Variants in ERC2 observed in about 807,000 individuals in gnomAD.
ERC2 encodes the protein ERC protein 2.
A neutral mutation model predicts 114.8 loss-of-function variants in ERC2; 42 were observed. The ratio of observed to expected loss-of-function variants is 0.37; its 90% CI spans 0.29 to 0.47. The LOEUF (loss-of-function observed/expected upper bound fraction) is 0.47. Ranked by LOEUF, ERC2 falls within the 20% of genes least tolerant of loss-of-function variation. The pLI is 0.99. For synonymous variants in ERC2, 454 were observed against 425.5 expected, an observed-to-expected ratio of 1.07 and a Z score of -0.82; for missense variants, 939 against 1,150.7, an observed-to-expected ratio of 0.82 and a Z score of 2.66.
intron 2 of ERC2, among the ~76,000 whole-genome samples, chr3:56,359,357 G>T (rs1189543448): frequency 6.6e-6 from 1 of 152,190 alleles, no homozygotes; most frequent in East Asian, 1.9e-4. Flanking sequence ...AAATGAAAAA[G>T]AAAGGCCTAG....
At chr3:55,532,752 C>T (rs565502618) in intron 17 of ERC2, among the ~76,000 whole-genome samples, 2 of 152,304 alleles carry the variant, frequency 1.3e-5, no homozygotes, top group East Asian at 3.9e-4. Context: ...ATCTCATGGA[C>T]ATAAAGGTAC....
intron 14 of ERC2, among the ~76,000 whole-genome samples, chr3:55,737,164 T>G (rs2065687411): frequency 6.6e-6 from 1 of 152,200 alleles, no homozygotes; most frequent in Admixed American, 6.5e-5. Context: ...TCTCAGATTA[T>G]TCCCCTTTTC....
chr3:55,839,793 C>T (rs1456272802), intron 14 of ERC2, among the ~76,000 whole-genome samples: 2 of 151,708 alleles, frequency 1.3e-5, no homozygotes, highest in East Asian at 3.9e-4. Flanking sequence ...AAAGATGGGG[C>T]AAATAAAAAC....
chr3:55,603,975 C>A (rs376829902), intron 17 of ERC2, among the ~76,000 whole-genome samples: 16 of 151,932 alleles, frequency 1.1e-4, no homozygotes, highest in African/African-American at 3.4e-4. Context: ...ATGATTTCAC[C>A]CCCCCCAGCA....
At chr3:55,905,698 G>A (rs927848163) in intron 13 of ERC2, among the ~76,000 whole-genome samples, 1 of 152,060 alleles carries the variant, frequency 6.6e-6, no homozygotes, top group African/African-American at 2.4e-5. Flanking sequence ...AGCTGACAAG[G>A]GCCCTGTATT....
intron 13 of ERC2, among the ~76,000 whole-genome samples, chr3:55,941,305 A>C (rs1466405216): frequency 1.3e-5 from 2 of 152,152 alleles, no homozygotes; most frequent in African/African-American, 4.8e-5. Flanking sequence ...CACTGCCCTG[A>C]TGCCCCTTCA....
At chr3:56,212,887 A>G (rs1052703497) in intron 3 of ERC2, among the ~76,000 whole-genome samples, 1 of 152,224 alleles carries the variant, frequency 6.6e-6, no homozygotes, top group Admixed American at 6.5e-5. Context: ...AGCAACCTGG[A>G]TGGAACTGGA....
intron 4 of ERC2, among the ~76,000 whole-genome samples, chr3:56,158,304 T>C (rs895687400): frequency 6.6e-6 from 1 of 152,194 alleles, no homozygotes; most frequent in African/African-American, 2.4e-5. Context: ...ATAGACCTCC[T>C]GAGACTTGCT....
chr3:56,110,010 G>A (rs2078875244), intron 6 of ERC2, among the ~76,000 whole-genome samples: 1 of 152,126 alleles, frequency 6.6e-6, no homozygotes, highest in African/African-American at 2.4e-5. Context: ...CTAAGGAAGA[G>A]TTAATATTTC....
At chr3:56,130,349 C>G (rs2080129363) in intron 6 of ERC2, among the ~76,000 whole-genome samples, 1 of 152,138 alleles carries the variant, frequency 6.6e-6, no homozygotes, top group South Asian at 2.1e-4. Flanking sequence ...TCATGTACAC[C>G]CATCACATTG....
intron 2 of ERC2, among the ~76,000 whole-genome samples, chr3:56,297,609 T>C (rs2055539804): frequency 6.6e-6 from 1 of 152,226 alleles, no homozygotes; most frequent in Non-Finnish European, 1.5e-5. Context: ...TTTCTATCCC[T>C]ATGGACAAGC....
At chr3:56,185,851 T>A (rs6779122) in intron 3 of ERC2, among the ~76,000 whole-genome samples, 117,387 of 151,966 alleles carry the variant, frequency 0.77, 47,203 homozygotes, top group South Asian at 0.89. Flanking sequence ...AGCTGAGAAC[T>A]TTCTCTGGCT....
At chr3:56,082,057 A>G (rs2077261479) in intron 6 of ERC2, among the ~76,000 whole-genome samples, 1 of 151,670 alleles carries the variant, frequency 6.6e-6, no homozygotes, top group African/African-American at 2.4e-5. Context: ...CTCCCAAAGC[A>G]TTTACTTTTT....
chr3:56,190,766 G>A (rs2083942185), intron 3 of ERC2, among the ~76,000 whole-genome samples: 1 of 152,016 alleles, frequency 6.6e-6, no homozygotes, highest in East Asian at 1.9e-4. Flanking sequence ...TAGAGATGGG[G>A]TCTCATCTTG....
At position 56,033,098 on chromosome 3, in the gene ERC2, A is replaced by G. The variant is rs534941610; in HGVS notation, c.1642-14067T>C. ...AAAGAAAGAAAGAAAAGTAAAGTAA[A>G]GTAAAAACAAAGGCTGGGCAGAGTG... On this transcript the variant is annotated intron_variant, in intron 7 of 17. Coordinates refer to ENST00000288221, the MANE Select transcript of ERC2 (RefSeq NM_015576.3). Among the ~76,000 whole-genome samples, 4 of 151,594 alleles carry G rather than the reference A, an allele frequency of 2.6e-5. No individual in the cohort carries two copies. In the East Asian group the frequency reaches 7.8e-4, roughly 29 times the overall value.
chr3:56,202,907 G>C (rs948314428), intron 3 of ERC2, among the ~76,000 whole-genome samples: 8 of 152,198 alleles, frequency 5.3e-5, no homozygotes, highest in Non-Finnish European at 2.9e-5. Flanking sequence ...GCAGGTAACT[G>C]TGAGGTGATG....
intron 7 of ERC2, among the ~76,000 whole-genome samples, chr3:56,070,470 A>T (rs923473097): frequency 1.2e-3 from 56 of 48,348 alleles, no homozygotes; most frequent in African/African-American, 5.2e-3. Context: ...ACCTTTTTTA[A>T]AAAAAAAAAA....
chr3:56,241,810 A>G (rs2051340476), intron 3 of ERC2, among the ~76,000 whole-genome samples: 1 of 152,178 alleles, frequency 6.6e-6, no homozygotes, highest in Non-Finnish European at 1.5e-5. Context: ...ATACACACTC[A>G]CCTACATGCT....
intron 3 of ERC2, among the ~76,000 whole-genome samples, chr3:56,251,413 C>T (rs756022464): frequency 1.3e-5 from 2 of 152,126 alleles, no homozygotes; most frequent in African/African-American, 2.4e-5. Flanking sequence ...TAAAATGTTA[C>T]CAGAATGGCC....
Sources: gnomAD v4.1 joint callset for allele counts (sites outside exome capture counted in the v4.1 genomes callset) on GRCh38, gnomAD v4.1.1 for gene constraint, MANE v1.5 for transcripts, NCBI Gene and HGNC (gene_info 2026-07-23, HGNC 2026-07-21) for gene names.